Variants in MYCBP2 observed in about 807,000 individuals in gnomAD.
The protein encoded by MYCBP2 is E3 ubiquitin-protein ligase MYCBP2.
Under a neutral mutation model 525.3 loss-of-function variants are expected in MYCBP2, and 120 were observed. That is an observed-to-expected ratio of 0.23 (90% CI 0.20 to 0.27). The LOEUF (loss-of-function observed/expected upper bound fraction) is 0.27, where lower values mean the gene tolerates loss of function less well. Among genes scored for constraint, MYCBP2 ranks in the 10% least tolerant of loss-of-function variants. The probability of loss-of-function intolerance (pLI) is 1.00; values close to 1 mark genes in which losing one functional copy is unlikely to be tolerated. For missense variants in MYCBP2, 4,149 were observed against 5,657.1 expected (o/e 0.73, Z 8.55); for synonymous variants, 1,894 against 1,955.8 (o/e 0.97, Z 0.83).
chr13:77,062,503 G>T, intron 74 of MYCBP2, 93 bp downstream of exon 74: 2 of 1,032,772 alleles, frequency 1.9e-6, no homozygotes, highest in Non-Finnish European at 2.9e-6. Context: ...TGTTTATGTT[G>T]ATGTGTTTTT....
intron 3 of MYCBP2, 85 bp downstream of exon 3, chr13:77,288,076 G>A: frequency 1.5e-6 from 2 of 1,322,970 alleles, no homozygotes; most frequent in Non-Finnish European, 2.1e-6. Flanking sequence ...ATAAAGCAAA[G>A]TATTTTAGCA....
chr13:77,154,615 T>C (rs976341483), intron 46 of MYCBP2, among the ~76,000 whole-genome samples: 1 of 152,166 alleles, frequency 6.6e-6, no homozygotes, highest in African/African-American at 2.4e-5. Flanking sequence ...AACATGGTAT[T>C]AGAATGTTGT....
chr13:77,243,869 C>T lies in MYCBP2; in HGVS notation c.2464G>A (p.Glu822Lys). ...KACARELDGQ[E>K]ARQRGILDAV... ...TCAAGAATTCCTCTTTGTCTTGCCT[C>T]TTGACCATCTAACTCTCTTGCACAG... Residue 822 changes from glutamate (E) to lysine (K), a missense_variant, in exon 16 of 83, where the codon GAG (glutamate) becomes AAG (lysine). By Grantham distance (56) the Glu-to-Lys change is moderately conservative. Transcript: ENST00000544440. 1 of 1,612,562 alleles carries T rather than the reference C, an allele frequency of 6.2e-7. No individual in the cohort carries two copies. Among genetic ancestry groups the T allele is most frequent in the Non-Finnish European group, 8.5e-7 (1 of 1,179,696 alleles).
intron 68 of MYCBP2, among the ~76,000 whole-genome samples, chr13:77,071,448 A>AATGTATCTTAAGG (rs1566384767): frequency 6.6e-6 from 1 of 152,172 alleles, no homozygotes; most frequent in African/African-American, 2.4e-5. Context: ...CTTAAGATAG[A>AATGTATCTTAAGG]GAGCCAGAAG....
At chr13:77,176,390 C>A in intron 36 of MYCBP2, 107 bp downstream of exon 36, 2 of 934,672 alleles carry the variant, frequency 2.1e-6, no homozygotes, top group Admixed American at 3.0e-5. Flanking sequence ...TAAAGGATAA[C>A]TTACAAATAG....
rs77616957 is a variant in MYCBP2, at chr13:77,214,409, T to C, written c.3058-2249A>G. Among the ~76,000 whole-genome samples the C allele has an allele frequency of 1.7e-4, 26 of 151,692 alleles. No individual in the cohort carries two copies. In the East Asian group the frequency reaches 4.9e-3, roughly 28 times the overall value. On this transcript the variant is annotated intron_variant, in intron 21 of 82. Coordinates refer to ENST00000544440, the MANE Select transcript of MYCBP2 (RefSeq NM_015057.5). ...ATATAAACATGAGAAACTGAATGAA[T>C]AAACTATCATATATACACACAATGG...
At chr13:77,053,056 T>C (rs1378589787) in intron 80 of MYCBP2, among the ~76,000 whole-genome samples, 1 of 151,890 alleles carries the variant, frequency 6.6e-6, no homozygotes, top group Non-Finnish European at 1.5e-5. Flanking sequence ...GAGGCTTGTT[T>C]GAGCCCAGGA....
chr13:77,147,595 T>A (rs1271318676), intron 47 of MYCBP2, among the ~76,000 whole-genome samples: 1 of 152,072 alleles, frequency 6.6e-6, no homozygotes, highest in African/African-American at 2.4e-5. Context: ...TAAAAATGAA[T>A]TAGAAATGAT....
rs761788780 is a variant in MYCBP2, at chr13:77,205,246, T to C, written c.3843+10A>G. 4 of 1,558,762 alleles carry C rather than the reference T, an allele frequency of 2.6e-6. No individual in the cohort carries two copies. The highest frequency in any genetic ancestry group is 1.8e-5 in the Admixed American group (1 of 55,928). ...AAACAAAAAAGGACAACATTGTTGA[T>C]GAACTTTACCTTAATTTTAGCAGTA... On this transcript the variant is annotated intron_variant, in intron 26 of 82. Transcript: ENST00000544440.
intron 1 of MYCBP2, among the ~76,000 whole-genome samples, chr13:77,303,608 C>T (rs2079052515): frequency 6.6e-6 from 1 of 151,010 alleles, no homozygotes; most frequent in African/African-American, 2.4e-5. Context: ...AAAAACAAGA[C>T]TTCTAAATAA....
At chr13:77,164,422 A>C in intron 43 of MYCBP2, 32 bp downstream of exon 43, 1 of 1,430,414 alleles carries the variant, frequency 7.0e-7, no homozygotes, top group Non-Finnish European at 9.8e-7. Context: ...ACAAAACCCT[A>C]TCAAAAAACA....
chr13:77,298,290 A>T (rs768978767), intron 1 of MYCBP2, among the ~76,000 whole-genome samples: 1 of 152,232 alleles, frequency 6.6e-6, no homozygotes, highest in African/African-American at 2.4e-5. Context: ...AGGTCTCAGC[A>T]TAAGTGTCAC....
intron 55 of MYCBP2, chr13:77,118,508 A>C (rs760422814): frequency 1.3e-5 from 10 of 764,592 alleles, no homozygotes; most frequent in Non-Finnish European, 2.4e-5. Flanking sequence ...GCAGTGGGTA[A>C]AACAGTCAAA....
intron 13 of MYCBP2, among the ~76,000 whole-genome samples, chr13:77,259,606 T>C (rs2072889934): frequency 6.6e-6 from 1 of 152,214 alleles, no homozygotes; most frequent in African/African-American, 2.4e-5. Flanking sequence ...ATTAAGCCAG[T>C]TCACTTATCA....
chr13:77,078,316 T>G (rs963098948), intron 66 of MYCBP2, among the ~76,000 whole-genome samples: 3 of 152,226 alleles, frequency 2.0e-5, no homozygotes, highest in Admixed American at 6.5e-5. Context: ...TGACAAAGTT[T>G]CATGAATACA....
intron 82 of MYCBP2, 24 bp from the exon 83 acceptor site, chr13:77,045,517 A>AG: frequency 6.7e-7 from 1 of 1,485,868 alleles, no homozygotes; most frequent in South Asian, 1.1e-5. Flanking sequence ...AAGGAGGCAA[A>AG]GGAAAATAAT....
At chr13:77,168,314 A>G (rs1318045659) in intron 40 of MYCBP2, 114 bp downstream of exon 40, 11 of 800,180 alleles carry the variant, frequency 1.4e-5, no homozygotes, top group Admixed American at 1.1e-4. Context: ...CTCTATATGT[A>G]AATACTATAA....
intron 36 of MYCBP2, 42 bp from the exon 37 acceptor site, chr13:77,174,531 C>T: frequency 6.7e-7 from 1 of 1,497,606 alleles, no homozygotes. Flanking sequence ...TCACAATGTA[C>T]AGAGGATATA....
At chr13:77,271,800 T>C (rs2074936225) in intron 5 of MYCBP2, among the ~76,000 whole-genome samples, 1 of 152,230 alleles carries the variant, frequency 6.6e-6, no homozygotes. Context: ...CAGTCTCGGG[T>C]ACATCTCTAT....
Sources: gnomAD v4.1 joint callset for allele counts (sites outside exome capture counted in the v4.1 genomes callset) on GRCh38, gnomAD v4.1.1 for gene constraint, MANE v1.5 for transcripts, NCBI Gene and HGNC (gene_info 2026-07-23, HGNC 2026-07-21) for gene names.